Variants in CYFIP1 observed in about 807,000 individuals in gnomAD.
CYFIP1 encodes cytoplasmic FMR1-interacting protein 1.
A neutral mutation model predicts 163.5 loss-of-function variants in CYFIP1; 58 were observed. That is an observed-to-expected ratio of 0.35 (90% CI 0.29 to 0.44). CYFIP1 has a LOEUF of 0.44. CYFIP1 is among the 20% of genes least tolerant of loss of function. CYFIP1 has a pLI of 1.00. For synonymous variants in CYFIP1, 663 were observed against 660.7 expected (o/e 1.00, Z -0.05); for missense variants, 1,338 against 1,653.8 (o/e 0.81, Z 3.31).
chr15:22,898,037 C>G (rs1214499471), intron 22 of CYFIP1, among the ~76,000 whole-genome samples: 1 of 152,158 alleles, frequency 6.6e-6, no homozygotes, highest in Non-Finnish European at 1.5e-5. Flanking sequence ...TCAGGAACTT[C>G]CAAGCTGTAC....
At chr15:22,883,677 C>T (rs1391613983) in intron 23 of CYFIP1, among the ~76,000 whole-genome samples, 6 of 151,814 alleles carry the variant, frequency 4.0e-5, no homozygotes, top group South Asian at 2.1e-4. Context: ...ATTAGCCGGG[C>T]GTGGTGGCAG....
chr15:22,937,469 C>G, intron 8 of CYFIP1, among the ~76,000 whole-genome samples: 1 of 152,208 alleles, frequency 6.6e-6, no homozygotes, highest in East Asian at 1.9e-4. Context: ...CTAACCCAAG[C>G]GGTAGGGATA....
At position 22,868,229 on chromosome 15, in the gene CYFIP1, C is replaced by T. The variant is rs1206511676; in HGVS notation, c.*1799G>A. On this transcript the variant is annotated 3_prime_UTR_variant, in exon 31 of 31. Transcript: ENST00000617928. ...AGATGTTTTTTCTAACTGCCTCCTC[C>T]CATGCCATTTTAATACTACAGATGT... is the stretch of plus-strand genomic sequence containing the variant. The T allele has an allele frequency of 6.6e-6, 1 of 152,186 alleles. No homozygotes were observed. Among genetic ancestry groups the T allele is most frequent in the Non-Finnish European group, 1.5e-5 (1 of 68,038 alleles). The allele number at this position is 152,186 out of a possible 1,614,324, so 9.4% of individuals were successfully genotyped here.
Position 22,867,098 on chromosome 15 carries a change from C to T in CYFIP1, c.*2930G>A, listed in dbSNP as rs888839242. On this transcript the variant is annotated 3_prime_UTR_variant, in exon 31 of 31. Coordinates refer to ENST00000617928, the MANE Select transcript of CYFIP1 (RefSeq NM_014608.6). The stretch of plus-strand genomic sequence containing the variant: ...TGTAGAAGTATTTTACATTTTCATC[C>T]CTTCTCCAAAAGCCGAATGCACTAA... The T allele has an allele frequency of 2.5e-5, 12 of 485,872 alleles. No homozygotes were observed. The highest frequency in any genetic ancestry group is 5.3e-4 in the Middle Eastern group (1 of 1,884). The allele number at this position is 485,872 out of a possible 1,614,324, so 30.1% of individuals were successfully genotyped here. A position where few individuals can be genotyped will look rare whatever the true frequency, so the allele number is the denominator to read the frequency against.
chr15:22,910,159 T>G (rs2060735726), intron 20 of CYFIP1, among the ~76,000 whole-genome samples: 1 of 152,060 alleles, frequency 6.6e-6, no homozygotes, highest in Non-Finnish European at 1.5e-5. Context: ...TCAATCATTT[T>G]TTTTTTCTTT....
chr15:22,924,903 C>A (rs1303817002), intron 13 of CYFIP1, among the ~76,000 whole-genome samples: 1 of 152,044 alleles, frequency 6.6e-6, no homozygotes, highest in Non-Finnish European at 1.5e-5. Flanking sequence ...GACACCCCAT[C>A]TCTACCAAAA....
At position 22,947,996 on chromosome 15, in the gene CYFIP1, C is replaced by T. The variant is rs563492759; in HGVS notation, c.-6-705G>A. 97 of 985,456 alleles carry T rather than the reference C, an allele frequency of 9.8e-5. No individual in the cohort carries two copies. In the African/African-American group the frequency reaches 1.5e-3, roughly 16 times the overall value. 61.0% of individuals were successfully genotyped at this position (985,456 alleles called of 1,614,324 possible). ...CAAGGGTACTCAGGAGGAGCTCTGC[C>T]CTGGGATGGGACCAGGGGCAGCTGA... On this transcript the variant is annotated intron_variant, in intron 1 of 30. Coordinates refer to ENST00000617928, the MANE Select transcript of CYFIP1 (RefSeq NM_014608.6).
intron 18 of CYFIP1, among the ~76,000 whole-genome samples, chr15:22,911,142 C>A (rs2060775415): frequency 6.6e-6 from 1 of 151,956 alleles, no homozygotes; most frequent in African/African-American, 2.4e-5. Context: ...CACCACTGCA[C>A]TCCAGCCTCG....
intron 24 of CYFIP1, among the ~76,000 whole-genome samples, chr15:22,882,199 A>G (rs1225087580): frequency 2.0e-5 from 3 of 152,132 alleles, no homozygotes; most frequent in African/African-American, 7.2e-5. Context: ...ATGAGGGGAG[A>G]GCTTTGTCGC....
At chr15:22,927,708 A>AT (rs371907972) in intron 12 of CYFIP1, among the ~76,000 whole-genome samples, 198 bp downstream of exon 12, 15,921 of 151,842 alleles carry the variant, frequency 0.1, 1,070 homozygotes, top group Middle Eastern at 0.19. Context: ...TTCTATCAAG[A>AT]TTTTTTTTAA....
chr15:22,976,560 A>C (rs1358867329), intron 1 of CYFIP1, among the ~76,000 whole-genome samples: 1 of 131,364 alleles, frequency 7.6e-6, no homozygotes, highest in African/African-American at 2.5e-5. Context: ...CCTACAGTCA[A>C]CTGCCCTCCA....
chr15:22,880,146 A>G (rs2059712345), intron 25 of CYFIP1, 103 bp from the exon 26 acceptor site: 1 of 1,489,098 alleles, frequency 6.7e-7, no homozygotes, highest in African/African-American at 1.4e-5. Flanking sequence ...CACCGCCATC[A>G]AGCCTGGCTA....
intron 13 of CYFIP1, among the ~76,000 whole-genome samples, chr15:22,920,159 C>CTTTTTTTTT (rs71117470): frequency 7.9e-5 from 6 of 75,522 alleles, no homozygotes; most frequent in African/African-American, 1.1e-4. Context: ...ATTAAGGCAG[C>CTTTTTTTTT]TTTTTTTTTT....
intron 5 of CYFIP1, 131 bp downstream of exon 5, chr15:22,944,427 T>C (rs2061991078): frequency 1.5e-6 from 1 of 645,220 alleles, no homozygotes; most frequent in African/African-American, 1.8e-5. Flanking sequence ...TGGTCCCTTT[T>C]GTCTCAGAAA....
At chr15:22,909,701 T>A (rs975360402) in intron 20 of CYFIP1, among the ~76,000 whole-genome samples, 3 of 152,250 alleles carry the variant, frequency 2.0e-5, no homozygotes, top group Admixed American at 6.5e-5. Context: ...GTGTGTGTAA[T>A]GTAACATCAC....
chr15:22,936,364 C>T (rs375947190), intron 9 of CYFIP1, among the ~76,000 whole-genome samples: 43 of 152,226 alleles, frequency 2.8e-4, no homozygotes, highest in East Asian at 1.5e-3. Flanking sequence ...TGGCACATCA[C>T]GAAGGGAACA....
At chr15:22,928,496 C>T (rs916622404) in intron 11 of CYFIP1, among the ~76,000 whole-genome samples, 3 of 152,312 alleles carry the variant, frequency 2.0e-5, no homozygotes, top group East Asian at 1.9e-4. Context: ...CGGCCAAGGG[C>T]GTGCTGCAGA....
chr15:22,970,775 A>G (rs576734631), intron 1 of CYFIP1, among the ~76,000 whole-genome samples: 41 of 152,296 alleles, frequency 2.7e-4, no homozygotes, highest in Admixed American at 2.0e-4. Flanking sequence ...ACCTTATATA[A>G]TATACAGAAA....
intron 10 of CYFIP1, among the ~76,000 whole-genome samples, chr15:22,932,736 G>A (rs577167263): frequency 6.6e-6 from 1 of 152,188 alleles, no homozygotes; most frequent in Admixed American, 6.5e-5. Flanking sequence ...GAACTGTGCT[G>A]AGGATCTTTA....
Sources: gnomAD v4.1 joint callset for allele counts (sites outside exome capture counted in the v4.1 genomes callset) on GRCh38, gnomAD v4.1.1 for gene constraint, MANE v1.5 for transcripts, NCBI Gene and HGNC (gene_info 2026-07-23, HGNC 2026-07-21) for gene names.